DNAAF9: variants seen among roughly 807,000 people sequenced by gnomAD.
The protein encoded by DNAAF9 is dynein axonemal assembly factor 9, also known as shulin.
A neutral mutation model predicts 167.0 loss-of-function variants in DNAAF9; 90 were observed. That is an observed-to-expected ratio of 0.54 (90% CI 0.45 to 0.64). The LOEUF is 0.64. Among genes scored for constraint, DNAAF9 ranks in the 30% least tolerant of loss-of-function variants. The pLI is 0.00. For missense variants in DNAAF9, 1,315 were observed against 1,442.2 expected, an observed-to-expected ratio of 0.91 and a Z score of 1.43; for synonymous variants, 491 against 508.8, an observed-to-expected ratio of 0.96 and a Z score of 0.47.
chr20:3,346,096 AT>A (rs1335021249), intron 8 of DNAAF9, among the ~76,000 whole-genome samples: 2 of 152,246 alleles, frequency 1.3e-5, no homozygotes, highest in African/African-American at 2.4e-5. Context: ...AGAAATGTAA[AT>A]TAAAACAATA....
intron 16 of DNAAF9, among the ~76,000 whole-genome samples, chr20:3,321,541 T>C (rs1470714896): frequency 6.6e-6 from 1 of 152,216 alleles, no homozygotes. Flanking sequence ...GGTACAGGAC[T>C]GTAGTTAATT....
chr20:3,395,928 G>C (rs182776345), intron 1 of DNAAF9, among the ~76,000 whole-genome samples: 69 of 152,198 alleles, frequency 4.5e-4, no homozygotes, highest in African/African-American at 1.5e-3. Context: ...TGGGTCATGG[G>C]AGGAACCTGG....
At chr20:3,388,210 AT>A (rs2083778320) in intron 1 of DNAAF9, among the ~76,000 whole-genome samples, 3 of 152,230 alleles carry the variant, frequency 2.0e-5, no homozygotes, top group African/African-American at 4.8e-5. Context: ...ATTACTTAAT[AT>A]CCATTAGTAT....
chr20:3,348,554 G>A lies in DNAAF9; in HGVS notation c.760C>T (p.Leu254=). ...ANFDTEIPFL[L]ELSESQAGEP... ...CCCGCCTGAGATTCTGAAAGTTCTA[G>A]CAGGAAAGGAATTTCTGTGTCAAAA... The change falls in exon 8 of 37, where the codon CTA becomes TTA. Residue 254 remains leucine, a synonymous_variant. Coordinates refer to ENST00000252032, the MANE Select transcript of DNAAF9 (RefSeq NM_001009984.3). The A allele has an allele frequency of 1.2e-6, 2 of 1,601,910 alleles. No individual in the cohort carries two copies. Among genetic ancestry groups the A allele is most frequent in the Non-Finnish European group, 1.7e-6 (2 of 1,172,404 alleles).
chr20:3,299,620 C>T (rs1319138344), intron 21 of DNAAF9, among the ~76,000 whole-genome samples: 1 of 152,186 alleles, frequency 6.6e-6, no homozygotes, highest in Non-Finnish European at 1.5e-5. Flanking sequence ...CCTCTCAGCA[C>T]CATTAGTTAA....
At chr20:3,307,671 A>C (rs1260209403) in intron 20 of DNAAF9, among the ~76,000 whole-genome samples, 1 of 152,010 alleles carries the variant, frequency 6.6e-6, no homozygotes, top group Non-Finnish European at 1.5e-5. Flanking sequence ...GAAGTTTCCC[A>C]TTATTGTCCC....
intron 1 of DNAAF9, among the ~76,000 whole-genome samples, chr20:3,406,524 C>A (rs1178362294): frequency 2.6e-5 from 4 of 152,190 alleles, no homozygotes; most frequent in Non-Finnish European, 5.9e-5. Context: ...ATTCCAACCT[C>A]CACACTGCGC....
chr20:3,336,212 G>T (rs1470847409), intron 10 of DNAAF9, among the ~76,000 whole-genome samples: 4 of 143,856 alleles, frequency 2.8e-5, no homozygotes, highest in Non-Finnish European at 6.0e-5. Flanking sequence ...CCTGTTTGAG[G>T]TTCACTCAGC....
chr20:3,322,622 T>C (rs2069636359), intron 15 of DNAAF9, 30 bp downstream of exon 15: 2 of 1,568,178 alleles, frequency 1.3e-6, no homozygotes, highest in East Asian at 2.2e-5. Flanking sequence ...ACTTGCTCCA[T>C]GTAAGGATGC....
At chr20:3,255,826 G>A (rs1354214214) in intron 34 of DNAAF9, among the ~76,000 whole-genome samples, 180 bp downstream of exon 34, 3 of 152,244 alleles carry the variant, frequency 2.0e-5, no homozygotes, top group South Asian at 2.1e-4. Context: ...CCTGCCTGGA[G>A]TTTGCTCTCA....
chr20:3,353,223 T>G (rs2070360606), intron 7 of DNAAF9, among the ~76,000 whole-genome samples: 1 of 152,014 alleles, frequency 6.6e-6, no homozygotes, highest in South Asian at 2.1e-4. Context: ...ATACTCATAA[T>G]GCACATCACT....
At position 3,264,456 on chromosome 20, in the gene DNAAF9, T is replaced by G. The variant is rs2068450098; in HGVS notation, c.2855A>C (p.Tyr952Ser). ...TACTTGCCAGCCAGGATACATTAAA[T>G]ATCGAGATCGTAGCATCTCAGGACT... ...FSSPEMLRSR[Y>S]LMYPGWYEGK... The change falls in exon 31 of 37, where the codon TAT (tyrosine) becomes TCT (serine). Residue 952 changes from tyrosine to serine, a missense_variant. Transcript: ENST00000252032. 6 of 1,500,302 alleles carry G rather than the reference T, an allele frequency of 4.0e-6. No individual in the cohort carries two copies. The highest frequency in any genetic ancestry group is 5.6e-6 in the Non-Finnish European group (6 of 1,076,578). The allele number at this position is 1,500,302 out of a possible 1,614,324, so 92.9% of individuals were successfully genotyped here.
At chr20:3,367,319 C>T (rs555340258) in intron 6 of DNAAF9, among the ~76,000 whole-genome samples, 5 of 152,310 alleles carry the variant, frequency 3.3e-5, no homozygotes, top group African/African-American at 9.6e-5. Context: ...AAAGTTTCTC[C>T]GTATCAGCAA....
At chr20:3,381,154 T>G (rs1170751857) in intron 3 of DNAAF9, among the ~76,000 whole-genome samples, 1 of 152,232 alleles carries the variant, frequency 6.6e-6, no homozygotes, top group East Asian at 1.9e-4. Flanking sequence ...GATGTTTACT[T>G]GTTTCTCTAA....
At chr20:3,387,106 A>G (rs1459710310) in intron 1 of DNAAF9, among the ~76,000 whole-genome samples, 1 of 152,240 alleles carries the variant, frequency 6.6e-6, no homozygotes, top group Non-Finnish European at 1.5e-5. Flanking sequence ...CTACACATTC[A>G]GTGTAATCCC....
chr20:3,257,664 C>T (rs2068304896), intron 33 of DNAAF9, among the ~76,000 whole-genome samples: 1 of 152,124 alleles, frequency 6.6e-6, no homozygotes, highest in South Asian at 2.1e-4. Flanking sequence ...CTACCTCAGC[C>T]TCCCAAGTAG....
chr20:3,319,263 A>AAG (rs2069570994), intron 16 of DNAAF9, among the ~76,000 whole-genome samples: 1 of 45,040 alleles, frequency 2.2e-5, no homozygotes, highest in Non-Finnish European at 4.2e-5. Context: ...ACCCCGTCTC[A>AAG]AAAAAAAAAA....
At chr20:3,325,122 G>A (rs1410586086) in intron 13 of DNAAF9, among the ~76,000 whole-genome samples, 154 bp from the exon 14 acceptor site, 1 of 152,208 alleles carries the variant, frequency 6.6e-6, no homozygotes, top group East Asian at 1.9e-4. Flanking sequence ...GGCATGAATA[G>A]ATTAAAGTGA....
chr20:3,291,891 C>G (rs980816259), intron 25 of DNAAF9, among the ~76,000 whole-genome samples: 1 of 152,120 alleles, frequency 6.6e-6, no homozygotes, highest in African/African-American at 2.4e-5. Context: ...TCCTATCCAG[C>G]CTTCCCTGTC....
Sources: gnomAD v4.1 joint callset for allele counts (sites outside exome capture counted in the v4.1 genomes callset) on GRCh38, gnomAD v4.1.1 for gene constraint, MANE v1.5 for transcripts, NCBI Gene and HGNC (gene_info 2026-07-23, HGNC 2026-07-21) for gene names.